ADAT1: variants seen among roughly 807,000 people sequenced by gnomAD.
ADAT1 encodes the protein tRNA-specific adenosine deaminase 1.
ADAT1 carries 58 observed loss-of-function variants against 58.6 expected under a neutral mutation model. The ratio of observed to expected loss-of-function variants is 0.99; its 90% CI spans 0.80 to 1.23. The LOEUF (loss-of-function observed/expected upper bound fraction) is 1.23, where lower values mean the gene tolerates loss of function less well. ADAT1 is among the 50% of genes most tolerant of loss of function. ADAT1 has a pLI of 0.00. For synonymous variants in ADAT1, 254 were observed against 220.8 expected (o/e 1.15, Z -1.33); for missense variants, 741 against 608.6 (o/e 1.22, Z -2.29).
chr16:75,598,241 TAA>T lies in ADAT1; in HGVS notation c.*1973_*1974del, dbSNP rs769054356. 2.2e-4 allele frequency: 80 copies of T among 362,394 alleles called. No individual in the cohort carries two copies. Among genetic ancestry groups the T allele is most frequent in the Non-Finnish European group, 2.8e-4 (51 of 182,902 alleles). The allele number at this position is 362,394 out of a possible 1,614,324, so 22.4% of individuals were successfully genotyped here. ...ATAGGCGTGCGCCAATACACCTGGC[TAA>T]TTTTTGTATTTTTAGTAGAAAGGGG... On this transcript the variant is annotated 3_prime_UTR_variant, in exon 10 of 10. Transcript: ENST00000564657.
intron 5 of ADAT1, among the ~76,000 whole-genome samples, chr16:75,616,325 G>A (rs55864135): frequency 0.41 from 61,802 of 151,904 alleles, 16,021 homozygotes; most frequent in East Asian, 0.85. Context: ...TTCTTAAGCT[G>A]TATCTATATT....
intron 3 of ADAT1, chr16:75,619,771 G>T: frequency 2.7e-6 from 1 of 373,120 alleles, no homozygotes; most frequent in South Asian, 1.9e-5. Flanking sequence ...TTAGCTGGGC[G>T]TGATGGTGGG....
At chr16:75,600,450 C>T (rs2081196440) in intron 9 of ADAT1, 102 bp from the exon 10 acceptor site, 14 of 1,516,340 alleles carry the variant, frequency 9.2e-6, no homozygotes, top group African/African-American at 1.4e-5. Context: ...TGTAATGAGA[C>T]TTAGGTAGAG....
In ADAT1 at chr16:75,599,504, A is replaced by G; in HGVS notation, c.*712T>C. On this transcript the variant is annotated 3_prime_UTR_variant, in exon 10 of 10. Coordinates refer to ENST00000564657, the MANE Select transcript of ADAT1 (RefSeq NM_001324445.2). ...ATTGAGACATCTAAACAGTGTTACT[A>G]GATCTTTGATTCTCTTGGCTGTTTC... The G allele has an allele frequency of 1.0e-6, 1 of 985,882 alleles. No homozygotes were observed. The highest frequency in any genetic ancestry group is 1.1e-4 in the East Asian group (1 of 8,818). 61.1% of individuals were successfully genotyped at this position (985,882 alleles called of 1,614,324 possible). A position where few individuals can be genotyped will look rare whatever the true frequency, so the allele number is the denominator to read the frequency against.
In ADAT1 at chr16:75,612,983, G is replaced by C; in HGVS notation, c.425-122C>G. 9.7e-6 allele frequency: 12 copies of C among 1,238,144 alleles called. No individual in the cohort carries two copies. In the South Asian group the frequency reaches 1.8e-4, roughly 18 times the overall value. 76.7% of individuals were successfully genotyped at this position (1,238,144 alleles called of 1,614,324 possible). On this transcript the variant is annotated intron_variant, in intron 5 of 9. Coordinates refer to ENST00000564657, the MANE Select transcript of ADAT1 (RefSeq NM_001324445.2). The stretch of plus-strand genomic sequence containing the variant: ...TCTTGGGACCCACAGTAGACCTGCT[G>C]AATCAGAAACTCCGGAGGCAGAGCC...
At chr16:75,615,785 A>T (rs1021775833) in intron 5 of ADAT1, among the ~76,000 whole-genome samples, 11 of 152,142 alleles carry the variant, frequency 7.2e-5, no homozygotes, top group African/African-American at 2.2e-4. Context: ...GCAGAACCTC[A>T]GGCCCCACTC....
chr16:75,601,533 G>A (rs913101141), intron 9 of ADAT1, among the ~76,000 whole-genome samples: 1 of 152,022 alleles, frequency 6.6e-6, no homozygotes, highest in African/African-American at 2.4e-5. Flanking sequence ...GAGGCAGGTG[G>A]ATCGCCCGAG....
rs749236621 is a variant in ADAT1 at position 75,600,306 on chromosome 16, C to T, written c.1419G>A (p.Ala473=). 17 of 1,613,952 alleles carry T rather than the reference C, an allele frequency of 1.1e-5. No homozygotes were observed. Among genetic ancestry groups the T allele is most frequent in the East Asian group, 2.2e-5 (1 of 44,896 alleles). The change falls in exon 10 of 10, where the codon GCG becomes GCA. Residue 473 remains alanine (A), a synonymous_variant. Transcript: ENST00000564657. ...TGCTCCAGGCTTCCTGGTAAGAGGA[C>T]GCAGCCTCCTTGTACTCCTGGTAGG... ...LDTYQEYKEA[A]SSYQEAWSTL...
Position 75,600,258 on chromosome 16 carries a change from T to C in ADAT1, c.1467A>G (p.Gly489=). 1 of 1,614,116 alleles carries C rather than the reference T, an allele frequency of 6.2e-7. No individual in the cohort carries two copies. Among genetic ancestry groups the C allele is most frequent in the Admixed American group, 1.7e-5 (1 of 60,014 alleles). ...AATCCGGTGGGTTTCTGATCCAGGA[T>C]CCAAACACCTGCTTCCGGAGTGTGC... ...AWSTLRKQVF[G]SWIRNPPDYH... is the part of the protein sequence containing the mutation. The change falls in exon 10 of 10, where the codon GGA becomes GGG. Residue 489 remains glycine (G), a synonymous_variant. Coordinates refer to ENST00000564657, the MANE Select transcript of ADAT1 (RefSeq NM_001324445.2).
In ADAT1 at chr16:75,622,867, T is replaced by G. The variant is rs920043105; in HGVS notation, c.-486A>C. 1 of 152,212 alleles carries G rather than the reference T, an allele frequency of 6.6e-6. No individual in the cohort carries two copies. Among genetic ancestry groups the G allele is most frequent in the African/African-American group, 2.4e-5 (1 of 41,454 alleles). 9.4% of individuals were successfully genotyped at this position (152,212 alleles called of 1,614,324 possible). On this transcript the variant is annotated 5_prime_UTR_variant, in exon 1 of 10. Coordinates refer to ENST00000564657, the MANE Select transcript of ADAT1 (RefSeq NM_001324445.2). Reference sequence around the variant, plus strand: ...CGATGCTTGGAGGAAGGGACTCTGGTTTACGCTGGCTCCCTTCCTAAACAC... The same window carrying G: ...CGATGCTTGGAGGAAGGGACTCTGGGTTACGCTGGCTCCCTTCCTAAACAC...
In ADAT1 at chr16:75,608,916, T is replaced by C. The variant is rs200796106; in HGVS notation, c.1116A>G (p.Leu372=). Residue 372 remains leucine (L), a synonymous_variant, in exon 7 of 10, where the codon CTA becomes CTG. Transcript: ENST00000564657. ...QELKILQSDL[L]FEQSRSAVQA... is the part of the protein sequence containing the mutation. ...GCACCGCACTGCGGCTCTGTTCAAA[T>C]AGTAAATCTGACTGCAGTATTTTTA... 1.2e-6 allele frequency: 2 copies of C among 1,614,240 alleles called. No homozygotes were observed. The highest frequency in any genetic ancestry group is 1.7e-6 in the Non-Finnish European group (2 of 1,180,036).
chr16:75,618,283 G>A (rs2081805341), intron 4 of ADAT1, among the ~76,000 whole-genome samples: 2 of 151,844 alleles, frequency 1.3e-5, no homozygotes, highest in Admixed American at 6.6e-5. Context: ...GAGGCGTGTG[G>A]ATAATGAGGT....
Position 75,599,671 on chromosome 16 carries a change from A to C in ADAT1, c.*545T>G. 1.0e-6 allele frequency: 1 copy of C among 986,510 alleles called. No homozygotes were observed. Among genetic ancestry groups the C allele is most frequent in the Non-Finnish European group, 1.2e-6 (1 of 830,482 alleles). The allele number at this position is 986,510 out of a possible 1,614,324, so 61.1% of individuals were successfully genotyped here. Reference sequence around the variant, plus strand: ...ATACCTCTGAGAACAAGTCCAGGGCAGTCCAGGGCTGGCTCACAGGCTATT... The same window carrying C: ...ATACCTCTGAGAACAAGTCCAGGGCCGTCCAGGGCTGGCTCACAGGCTATT... On this transcript the variant is annotated 3_prime_UTR_variant, in exon 10 of 10. Transcript: ENST00000564657.
rs1051588861 is a variant in ADAT1 at position 75,599,852 on chromosome 16, G to A, written c.*364C>T. ...GGCAAAGCTGTAAAACTTGCAGAGC[G>A]TCAAACATCATTTCAGCTCAATAAA... On this transcript the variant is annotated 3_prime_UTR_variant, in exon 10 of 10. Transcript: ENST00000564657. 1.5e-4 allele frequency: 149 copies of A among 1,004,592 alleles called. No individual in the cohort carries two copies. Among genetic ancestry groups the A allele is most frequent in the Non-Finnish European group, 1.6e-4 (138 of 842,520 alleles). The allele number at this position is 1,004,592 out of a possible 1,614,324, so 62.2% of individuals were successfully genotyped here. A position where few individuals can be genotyped will look rare whatever the true frequency, so the allele number is the denominator to read the frequency against.
rs772206631 is a variant in ADAT1, at chr16:75,617,126, G to T, written c.424+16C>A. ...TAGTTCATGTAACATTAATCCAAAG[G>T]CTTGAATATACTTACAGGGTGTATG... is the stretch of plus-strand genomic sequence containing the variant. On this transcript the variant is annotated intron_variant, in intron 5 of 9. Transcript: ENST00000564657. The T allele has an allele frequency of 2.5e-6, 4 of 1,599,664 alleles. No homozygotes were observed. Among genetic ancestry groups the T allele is most frequent in the Middle Eastern group, 1.7e-4 (1 of 6,000 alleles).
chr16:75,602,941 A>G (rs1174684829), intron 9 of ADAT1, 144 bp downstream of exon 9: 2 of 706,124 alleles, frequency 2.8e-6, no homozygotes, highest in East Asian at 2.5e-5. Context: ...AAATAGGGCT[A>G]TGGGGAAAGA....
Position 75,608,287 on chromosome 16 carries a change from T to C in ADAT1, c.1226A>G (p.Asp409Gly). The change falls in exon 8 of 10, where the codon GAT (aspartate) becomes GGT (glycine). Residue 409 changes from aspartate (D) to glycine (G), a missense_variant. Coordinates refer to ENST00000564657, the MANE Select transcript of ADAT1 (RefSeq NM_001324445.2). ...CTGTGGAAAGCCATTGGCAGTAACA[T>C]CCAAAGGCTGCTCAGGAACTGCACT... ...SWSAVPEQPLDVTANGFPQGT... is the reference protein window; with the variant it reads ...SWSAVPEQPLGVTANGFPQGT... 1 of 1,614,076 alleles carries C rather than the reference T, an allele frequency of 6.2e-7. No homozygotes were observed. The highest frequency in any genetic ancestry group is 8.5e-7 in the Non-Finnish European group (1 of 1,179,966).
chr16:75,600,611 C>G (rs956512939), intron 9 of ADAT1, among the ~76,000 whole-genome samples: 2 of 152,220 alleles, frequency 1.3e-5, no homozygotes, highest in Non-Finnish European at 2.9e-5. Flanking sequence ...AGCCTGGCTG[C>G]TAAAACTGCC....
chr16:75,602,580 A>G (rs1366636127), intron 9 of ADAT1, among the ~76,000 whole-genome samples: 1 of 152,126 alleles, frequency 6.6e-6, no homozygotes, highest in Non-Finnish European at 1.5e-5. Context: ...AAGACAGTTT[A>G]GTGGGAACTG....
Sources: gnomAD v4.1 joint callset for allele counts (sites outside exome capture counted in the v4.1 genomes callset) on GRCh38, gnomAD v4.1.1 for gene constraint, MANE v1.5 for transcripts, NCBI Gene and HGNC (gene_info 2026-07-23, HGNC 2026-07-21) for gene names.